Variants in MTMR1 observed in about 807,000 individuals in gnomAD.
MTMR1 encodes phosphatidylinositol-3-phosphate phosphatase MTMR1.
In MTMR1, 17 loss-of-function variants were observed where a neutral mutation model predicts 51.6. The ratio of observed to expected loss-of-function variants is 0.33; its 90% CI spans 0.23 to 0.49. The LOEUF (loss-of-function observed/expected upper bound fraction) is 0.49, where lower values mean the gene tolerates loss of function less well. MTMR1 is among the 20% of genes least tolerant of loss of function. The pLI is 0.99. For missense variants in MTMR1, 386 were observed against 526.9 expected, an observed-to-expected ratio of 0.73 and a Z score of 2.62; for synonymous variants, 201 against 205.6, an observed-to-expected ratio of 0.98 and a Z score of 0.19.
At chrX:150,735,426 A>T (rs922909338) in intron 10 of MTMR1, 3 of 490,104 alleles carry the variant, frequency 6.1e-6, no homozygotes. Flanking sequence ...AAGGGATGTT[A>T]ATCTGTGGTT....
chrX:150,757,532 G>T (rs1409295619), intron 15 of MTMR1, among the ~76,000 whole-genome samples: 1 of 112,148 alleles, frequency 8.9e-6, no homozygotes, highest in African/African-American at 3.2e-5. Context: ...GTACTTGTAC[G>T]CTGGGCCTGG....
chrX:150,735,255 TA>T, intron 10 of MTMR1: 2 of 316,265 alleles, frequency 6.3e-6, no homozygotes, highest in South Asian at 2.4e-4. Context: ...TATGTTGTTT[TA>T]AGTCCCCCAG....
chrX:150,759,458 ATCTGGAGTGCC>A (rs1333943766), intron 15 of MTMR1, among the ~76,000 whole-genome samples: 4 of 108,994 alleles, frequency 3.7e-5, no homozygotes, highest in African/African-American at 1.3e-4. Context: ...ACCATGCCTG[ATCTGGAGTGCC>A]TTTGGCTAAA....
At chrX:150,701,634 C>A (rs1277589810) in intron 2 of MTMR1, among the ~76,000 whole-genome samples, 2 of 111,858 alleles carry the variant, frequency 1.8e-5, no homozygotes, top group African/African-American at 6.5e-5. Context: ...CCCTCTAACA[C>A]ATACAGGCTC....
rs143503898 is a variant in MTMR1, at chrX:150,733,561, C to T, written c.1080+831C>T. 2.6e-4 allele frequency among the ~76,000 whole-genome samples: 29 copies of T among 110,350 alleles called. No homozygotes were observed. The East Asian group carries it at 8.3e-3, about 32-fold the overall frequency. On this transcript the variant is annotated intron_variant, in intron 10 of 15. Transcript: ENST00000445323. ...TATATTCCAACTGGCCTGAGAGGCACGATGGCAAGTTGGTGAGACCCCTTG... is the reference window on the plus strand; with the variant it reads ...TATATTCCAACTGGCCTGAGAGGCATGATGGCAAGTTGGTGAGACCCCTTG...
chrX:150,750,461 C>T (rs2042694976), intron 13 of MTMR1, among the ~76,000 whole-genome samples: 1 of 111,500 alleles, frequency 9.0e-6, no homozygotes, highest in African/African-American at 3.3e-5. Context: ...TGAGTCTGGG[C>T]TCTGTCCTGC....
At chrX:150,718,229 C>T (rs988143416) in intron 3 of MTMR1, among the ~76,000 whole-genome samples, 1 of 112,425 alleles carries the variant, frequency 8.9e-6, no homozygotes. Flanking sequence ...AGCTAAGCAC[C>T]TATAGCTCAT....
Position 150,693,630 on chromosome X carries a change from G to A in MTMR1, c.100G>A (p.Gly34Ser). 1.3e-6 allele frequency: 1 copy of A among 757,404 alleles called. No homozygotes were observed. Among genetic ancestry groups the A allele is most frequent in the Non-Finnish European group, 1.6e-6 (1 of 642,163 alleles). The allele number at this position is 757,404 out of a possible 1,213,427, so 62.4% of individuals were successfully genotyped here. ...GGRRPPRAAG[G>S]ATAGSRQPSV... The stretch of plus-strand genomic sequence containing the variant: ...CAGGAGGCCTCCTCGGGCCGCGGGG[G>A]GCGCCACCGCCGGCTCCCGGCAGCC... Residue 34 changes from glycine to serine, a missense_variant, in exon 1 of 16, where the codon GGC (glycine) becomes AGC (serine). Coordinates refer to ENST00000445323, the MANE Select transcript of MTMR1 (RefSeq NM_001306144.3).
chrX:150,737,118 C>A, intron 11 of MTMR1, 124 bp from the exon 12 acceptor site: 1 of 566,900 alleles, frequency 1.8e-6, no homozygotes, highest in Non-Finnish European at 2.8e-6. Flanking sequence ...CAGCTGATTG[C>A]CTGCCATTCT....
chrX:150,726,516 C>G (rs2041940758), intron 4 of MTMR1, among the ~76,000 whole-genome samples: 1 of 111,840 alleles, frequency 8.9e-6, no homozygotes, highest in South Asian at 3.8e-4. Flanking sequence ...TGGAAGTATT[C>G]TGAGAATTTG....
At chrX:150,761,205 A>G (rs1557418016) in intron 15 of MTMR1, among the ~76,000 whole-genome samples, 1 of 111,324 alleles carries the variant, frequency 9.0e-6, no homozygotes, top group African/African-American at 3.3e-5. Context: ...GTAAGAGAGG[A>G]GCTGGTGCCA....
At chrX:150,693,751 C>G (rs1181784737) in intron 1 of MTMR1, 75 bp downstream of exon 1, 41 of 679,213 alleles carry the variant, frequency 6.0e-5, no homozygotes, top group Non-Finnish European at 7.0e-5. Context: ...AGCCCGCCCC[C>G]TCCCCGCGCG....
chrX:150,710,895 A>G (rs1279094207), intron 2 of MTMR1, among the ~76,000 whole-genome samples: 6 of 112,331 alleles, frequency 5.3e-5, no homozygotes, highest in African/African-American at 1.9e-4. Context: ...GACACTTTAA[A>G]GTTGACAAAT....
rs149934787 is a variant in MTMR1 at position 150,714,583 on chromosome X, G to A, written c.276+2218G>A. 2.7e-3 allele frequency: 2,393 copies of A among 880,313 alleles called. 53 individuals carry two copies. The East Asian group carries it at 0.069, about 25-fold the overall frequency. The allele number at this position is 880,313 out of a possible 1,213,427, so 72.5% of individuals were successfully genotyped here. On this transcript the variant is annotated intron_variant, in intron 3 of 15. Transcript: ENST00000445323. ...GTAGCTACAGATCGTGTATTTAGAA[G>A]CCATTTCATTCTAGACTTCTAGATA...
At chrX:150,701,717 G>A (rs1408718431) in intron 2 of MTMR1, among the ~76,000 whole-genome samples, 1 of 111,803 alleles carries the variant, frequency 8.9e-6, no homozygotes, top group Non-Finnish European at 1.9e-5. Flanking sequence ...TGGGTGTGGT[G>A]GTCTGTAGTC....
Position 150,693,626 on chromosome X carries a change from G to A in MTMR1, c.96G>A (p.Ala32=). Reference sequence around the variant, plus strand: ...GCGGCAGGAGGCCTCCTCGGGCCGCGGGGGGCGCCACCGCCGGCTCCCGGC... The same window carrying A: ...GCGGCAGGAGGCCTCCTCGGGCCGCAGGGGGCGCCACCGCCGGCTCCCGGC... ...PAGGRRPPRA[A]GGATAGSRQP... Residue 32 remains alanine, a synonymous_variant, in exon 1 of 16, where the codon GCG becomes GCA. Transcript: ENST00000445323. The A allele has an allele frequency of 2.6e-6, 2 of 756,842 alleles. No individual in the cohort carries two copies. The highest frequency in any genetic ancestry group is 3.1e-6 in the Non-Finnish European group (2 of 641,676). 62.4% of individuals were successfully genotyped at this position (756,842 alleles called of 1,213,427 possible).
intron 3 of MTMR1, among the ~76,000 whole-genome samples, chrX:150,715,537 CT>C (rs1284086717): frequency 8.9e-6 from 1 of 112,346 alleles, no homozygotes; most frequent in Non-Finnish European, 1.9e-5. Context: ...AAATCATGTC[CT>C]GTGCAACCTT....
At chrX:150,740,701 G>T (rs782076611) in intron 12 of MTMR1, among the ~76,000 whole-genome samples, 1 of 111,602 alleles carries the variant, frequency 9.0e-6, no homozygotes, top group Non-Finnish European at 1.9e-5. Context: ...AGAAAGAAAA[G>T]AAATTTATTT....
At chrX:150,748,583 C>T (rs2042637823) in intron 13 of MTMR1, among the ~76,000 whole-genome samples, 2 of 108,302 alleles carry the variant, frequency 1.8e-5, no homozygotes, top group Admixed American at 1.0e-4. Context: ...TTTAGGAGGC[C>T]GAGATGGGAG....
Sources: allele counts gnomAD v4.1 joint callset (sites outside exome capture counted in the v4.1 genomes callset), GRCh38; gene constraint gnomAD v4.1.1; transcripts MANE v1.5; gene names NCBI Gene and HGNC (gene_info 2026-07-23, HGNC 2026-07-21).